Variants in GRIN2B observed in about 807,000 individuals in gnomAD.
The protein encoded by GRIN2B is glutamate receptor ionotropic, NMDA 2B.
GRIN2B carries 5 observed loss-of-function variants against 114.5 expected under a neutral mutation model. The observed-to-expected ratio is 0.04, with a 90% CI of 0.02 to 0.09. GRIN2B has a LOEUF of 0.09. Ranked by LOEUF, GRIN2B falls within the 10% of genes least tolerant of loss-of-function variation. GRIN2B has a pLI of 1.00. For missense variants in GRIN2B, 1,108 were observed against 1,943.5 expected, an observed-to-expected ratio of 0.57 and a Z score of 8.08; for synonymous variants, 787 against 745.1, an observed-to-expected ratio of 1.06 and a Z score of -0.92.
At chr12:13,819,592 C>T (rs1864894081) in intron 3 of GRIN2B, among the ~76,000 whole-genome samples, 1 of 152,144 alleles carries the variant, frequency 6.6e-6, no homozygotes, top group South Asian at 2.1e-4. Context: ...TAGCACTATC[C>T]TAGGGGTGTC....
At chr12:13,916,735 A>AAATGTG (rs59238170) in intron 2 of GRIN2B, among the ~76,000 whole-genome samples, 2 of 101,904 alleles carry the variant, frequency 2.0e-5, no homozygotes, top group East Asian at 2.9e-4. Flanking sequence ...ACACACACAC[A>AAATGTG]TTTGTGTGTG....
Position 13,564,766 on chromosome 12 carries a change from A to C in GRIN2B, c.2599-127T>G. ...GGGAAAGCATGAAGCGAATAGTCTA[A>C]TATACTATTAGATGTGGCTAGAAGT... On this transcript the variant is annotated intron_variant, in intron 13 of 13. Coordinates refer to ENST00000609686, the MANE Select transcript of GRIN2B (RefSeq NM_000834.5). This position sits in a 1 kb window ranked among gnomAD's most constrained non-coding sequence, Gnocchi z 4.8. The C allele has an allele frequency of 1.1e-6, 1 of 881,196 alleles. No individual in the cohort carries two copies. Among genetic ancestry groups the C allele is most frequent in the Non-Finnish European group, 1.9e-6 (1 of 532,308 alleles). 54.6% of individuals were successfully genotyped at this position (881,196 alleles called of 1,614,324 possible). A position where few individuals can be genotyped will look rare whatever the true frequency, so the allele number is the denominator to read the frequency against.
chr12:13,834,753 A>G (rs1400008000), intron 3 of GRIN2B, among the ~76,000 whole-genome samples: 1 of 152,214 alleles, frequency 6.6e-6, no homozygotes, highest in African/African-American at 2.4e-5. Flanking sequence ...AAACATTTGG[A>G]AGCCATGATT....
intron 3 of GRIN2B, among the ~76,000 whole-genome samples, chr12:13,767,360 T>C (rs1863816507): frequency 6.6e-6 from 1 of 152,006 alleles, no homozygotes; most frequent in Non-Finnish European, 1.5e-5. Context: ...CGTAGATGAC[T>C]ACCTAAATGC....
chr12:13,656,840 T>C lies in GRIN2B; in HGVS notation c.1125+18905A>G, dbSNP rs984282376. 7.9e-5 allele frequency among the ~76,000 whole-genome samples: 12 copies of C among 152,208 alleles called. 1 individual carries two copies. Among genetic ancestry groups the C allele is most frequent in the Admixed American group, 5.9e-4 (9 of 15,278 alleles). The stretch of plus-strand genomic sequence containing the variant: ...CAGATTGTTTGAACTAGATGGACCA[T>C]AAGAATTTAATCCAACCCTCTTGTT... On this transcript the variant is annotated intron_variant, in intron 5 of 13. Transcript: ENST00000609686.
At chr12:13,888,697 G>T (rs1866207397) in intron 2 of GRIN2B, among the ~76,000 whole-genome samples, 1 of 151,116 alleles carries the variant, frequency 6.6e-6, no homozygotes. Context: ...TCGCACCACT[G>T]CATTCCAGCC....
At chr12:13,758,113 A>G (rs1003559530) in intron 3 of GRIN2B, among the ~76,000 whole-genome samples, 1 of 152,100 alleles carries the variant, frequency 6.6e-6, no homozygotes, top group African/African-American at 2.4e-5. Flanking sequence ...AGGTGTAAAG[A>G]CCTAATCTTC....
intron 3 of GRIN2B, among the ~76,000 whole-genome samples, chr12:13,861,092 T>C (rs1472551362): frequency 6.6e-6 from 1 of 152,186 alleles, no homozygotes; most frequent in African/African-American, 2.4e-5. Flanking sequence ...AAAATTTATA[T>C]CTCATAAACT....
At chr12:13,897,011 A>G (rs888123792) in intron 2 of GRIN2B, among the ~76,000 whole-genome samples, 1 of 152,192 alleles carries the variant, frequency 6.6e-6, no homozygotes, top group Admixed American at 6.5e-5. Context: ...ACTAGTTATG[A>G]TAATGATTAT....
chr12:13,750,434 T>C (rs1194764132), intron 4 of GRIN2B, among the ~76,000 whole-genome samples: 1 of 152,214 alleles, frequency 6.6e-6, no homozygotes, highest in African/African-American at 2.4e-5. Context: ...CAGATCATTG[T>C]TTACCCAGCA....
intron 2 of GRIN2B, among the ~76,000 whole-genome samples, chr12:13,940,575 T>C (rs1867226007): frequency 6.6e-6 from 1 of 152,042 alleles, no homozygotes; most frequent in African/African-American, 2.4e-5. Context: ...GGGGTGAAAT[T>C]GAGCAAAGGG....
At chr12:13,911,685 C>A (rs945294630) in intron 2 of GRIN2B, among the ~76,000 whole-genome samples, 1 of 152,112 alleles carries the variant, frequency 6.6e-6, no homozygotes, top group East Asian at 1.9e-4. Flanking sequence ...TACGTACACA[C>A]GCACCCTCAA....
At chr12:13,622,744 G>C (rs1239563871) in intron 5 of GRIN2B, among the ~76,000 whole-genome samples, 1 of 152,134 alleles carries the variant, frequency 6.6e-6, no homozygotes, top group Non-Finnish European at 1.5e-5. Context: ...GTGTGAGAGA[G>C]AGAGCAGGAG....
In GRIN2B at chr12:13,833,134, T is replaced by C. The variant is rs77751022; in HGVS notation, c.411+32664A>G. ...ACAGTGTCTAGCACAGTGCATGACA[T>C]ATGATATGGTATTAAAAATTATCAT... On this transcript the variant is annotated intron_variant, in intron 3 of 13. Transcript: ENST00000609686. 6.8e-3 allele frequency among the ~76,000 whole-genome samples: 1,041 copies of C among 152,316 alleles called. 21 individuals are homozygous for C. Among genetic ancestry groups the C allele is most frequent in the African/African-American group, 0.024 (1,010 of 41,562 alleles).
chr12:13,764,837 C>T (rs1863750055), intron 3 of GRIN2B, among the ~76,000 whole-genome samples: 1 of 152,184 alleles, frequency 6.6e-6, no homozygotes, highest in Admixed American at 6.5e-5. Flanking sequence ...GAAGGAAACT[C>T]GGGGCTTATT....
At position 13,556,309 on chromosome 12, in the gene GRIN2B, A is replaced by G. The variant is rs1948478783; in HGVS notation, c.*6474T>C. The stretch of plus-strand genomic sequence containing the variant: ...ATTAAACTTGCATGTATAATCATAC[A>G]AATGTATGCATACCTATTTATACAT... On this transcript the variant is annotated 3_prime_UTR_variant, in exon 14 of 14. Coordinates refer to ENST00000609686, the MANE Select transcript of GRIN2B (RefSeq NM_000834.5). 1 of 152,234 alleles carries G rather than the reference A, an allele frequency of 6.6e-6. No homozygotes were observed. The highest frequency in any genetic ancestry group is 2.4e-5 in the African/African-American group (1 of 41,462). 9.4% of individuals were successfully genotyped at this position (152,234 alleles called of 1,614,324 possible).
intron 4 of GRIN2B, among the ~76,000 whole-genome samples, chr12:13,737,800 T>C (rs1259410083): frequency 6.6e-6 from 1 of 152,216 alleles, no homozygotes; most frequent in Non-Finnish European, 1.5e-5. Context: ...TAAAGCACTT[T>C]AACAATAGTA....
At chr12:13,847,741 G>A (rs1002754908) in intron 3 of GRIN2B, among the ~76,000 whole-genome samples, 1 of 152,050 alleles carries the variant, frequency 6.6e-6, no homozygotes, top group African/African-American at 2.4e-5. Context: ...AGCCAAGAGG[G>A]GAAGAAACAA....
At chr12:13,633,681 T>C (rs1949637542) in intron 5 of GRIN2B, among the ~76,000 whole-genome samples, 1 of 152,240 alleles carries the variant, frequency 6.6e-6, no homozygotes, top group Admixed American at 6.5e-5. Flanking sequence ...CATTTGCTCC[T>C]ACCTGGTCTT....
Sources: allele counts gnomAD v4.1 joint callset (sites outside exome capture counted in the v4.1 genomes callset), GRCh38; gene constraint gnomAD v4.1.1; non-coding constraint Gnocchi (gnomAD v3.1); transcripts MANE v1.5; gene names NCBI Gene and HGNC (gene_info 2026-07-23, HGNC 2026-07-21).